The following FOXN3 variants were observed in gnomAD, a reference collection of about 807,000 sequenced individuals.
The protein encoded by FOXN3 is forkhead box protein N3.
FOXN3 carries 7 observed loss-of-function variants against 38.4 expected under a neutral mutation model. The ratio of observed to expected loss-of-function variants is 0.18; its 90% CI spans 0.10 to 0.34. FOXN3 has a LOEUF of 0.34. FOXN3 is among the 10% of genes least tolerant of loss of function. FOXN3 has a pLI of 1.00. For missense variants in FOXN3, 456 were observed against 613.4 expected (o/e 0.74, Z 2.71); for synonymous variants, 230 against 242.2 (o/e 0.95, Z 0.47).
rs374124123 is a variant in FOXN3, at chr14:89,508,641, AGC to A, written c.-14-96153_-14-96152del. 3.7e-4 allele frequency among the ~76,000 whole-genome samples: 56 copies of A among 152,306 alleles called. 3 individuals carry two copies. In the East Asian group the frequency reaches 5.8e-3, roughly 16 times the overall value. Reference sequence around the variant, plus strand: ...CAGGCAATGAAGTAGACATGTTTTGAGCAGCCCCCAGGGCTTCTGATGCCCAA... The same window carrying A: ...CAGGCAATGAAGTAGACATGTTTTGAAGCCCCCAGGGCTTCTGATGCCCAA... On this transcript the variant is annotated intron_variant, in intron 1 of 6. Transcript: ENST00000345097.
intron 3 of FOXN3, among the ~76,000 whole-genome samples, chr14:89,317,935 T>C (rs922354654): frequency 2.0e-5 from 3 of 149,562 alleles, no homozygotes; most frequent in Non-Finnish European, 3.0e-5. Context: ...TATGGGAATC[T>C]AACTAATGCC....
intron 2 of FOXN3, among the ~76,000 whole-genome samples, chr14:89,405,323 G>T (rs1275884950): frequency 5.9e-5 from 9 of 152,076 alleles, no homozygotes; most frequent in African/African-American, 2.2e-4. Context: ...TTTTAGTAGA[G>T]ACAGGGTTTC....
chr14:89,394,905 T>C (rs1025749073), intron 2 of FOXN3, among the ~76,000 whole-genome samples: 1 of 152,238 alleles, frequency 6.6e-6, no homozygotes, highest in African/African-American at 2.4e-5. Flanking sequence ...AGGGATCTCC[T>C]AGAATTGTAA....
intron 4 of FOXN3, among the ~76,000 whole-genome samples, chr14:89,256,701 A>T (rs114353491): frequency 0.012 from 1,848 of 152,192 alleles, 32 homozygotes; most frequent in African/African-American, 0.042. Flanking sequence ...GAGTTTAAGG[A>T]TGTGCATTAT....
chr14:89,438,283 C>T (rs1283096569), intron 1 of FOXN3, among the ~76,000 whole-genome samples: 2 of 152,202 alleles, frequency 1.3e-5, no homozygotes, highest in Admixed American at 1.3e-4. Flanking sequence ...TGAATGAGCA[C>T]CTTCAGTAAA....
intron 1 of FOXN3, among the ~76,000 whole-genome samples, chr14:89,597,978 A>T (rs896115510): frequency 2.0e-5 from 3 of 151,842 alleles, no homozygotes; most frequent in Non-Finnish European, 4.4e-5. Flanking sequence ...CTACTCTAGG[A>T]TCCTTTTTCT....
At chr14:89,414,203 G>A (rs1204584375) in intron 1 of FOXN3, among the ~76,000 whole-genome samples, 3 of 151,996 alleles carry the variant, frequency 2.0e-5, no homozygotes, top group Admixed American at 6.6e-5. Context: ...TGTAGTCCCA[G>A]CTACTTGGGA....
chr14:89,254,983 C>CT (rs964482557), intron 4 of FOXN3, among the ~76,000 whole-genome samples: 6 of 152,108 alleles, frequency 3.9e-5, no homozygotes, highest in African/African-American at 1.4e-4. Flanking sequence ...CGATTCAGAG[C>CT]TTTTTTTATT....
intron 4 of FOXN3, among the ~76,000 whole-genome samples, chr14:89,205,379 C>T (rs117897120): frequency 0.01 from 1,598 of 152,250 alleles, 20 homozygotes; most frequent in Non-Finnish European, 0.018. Context: ...GAGGGCTCCA[C>T]CCTTGGGCCT....
intron 1 of FOXN3, among the ~76,000 whole-genome samples, chr14:89,580,054 AG>A (rs1163744765): frequency 2.0e-5 from 3 of 152,216 alleles, no homozygotes; most frequent in Admixed American, 6.5e-5. Context: ...AGGTAACTGA[AG>A]GCAAAGCCAG....
intron 2 of FOXN3, among the ~76,000 whole-genome samples, chr14:89,358,728 GGC>G (rs529136460): frequency 5.4e-4 from 82 of 152,264 alleles, no homozygotes; most frequent in African/African-American, 1.9e-3. Context: ...TTCTGTTCTA[GGC>G]CAGTACCACC....
chr14:89,378,311 A>G (rs777635409), intron 2 of FOXN3, among the ~76,000 whole-genome samples: 22 of 152,164 alleles, frequency 1.4e-4, no homozygotes, highest in Non-Finnish European at 2.5e-4. Flanking sequence ...TGTCTGCACC[A>G]TCAGCTGGGG....
chr14:89,467,850 A>G (rs1893010604), intron 1 of FOXN3, among the ~76,000 whole-genome samples: 1 of 87,632 alleles, frequency 1.1e-5, no homozygotes, highest in Non-Finnish European at 2.0e-5. Flanking sequence ...AGGTCTCACT[A>G]TGTTATTCAG....
chr14:89,166,578 TC>T (rs1188777519), intron 5 of FOXN3, among the ~76,000 whole-genome samples: 1 of 152,174 alleles, frequency 6.6e-6, no homozygotes, highest in East Asian at 1.9e-4. Context: ...TCCCTGTCAC[TC>T]CTGAAGAAGG....
rs73323154 is a variant in FOXN3 at position 89,260,266 on chromosome 14, G to A, written c.745+20684C>T. On this transcript the variant is annotated intron_variant, in intron 4 of 5. Coordinates refer to ENST00000557258, the MANE Select transcript of FOXN3 (RefSeq NM_005197.4). ...ACCTGCTTTCAAATGTGATCAACAA[G>A]GTCATAATCTGCCACTGAATTGCTT... 4.4e-3 allele frequency among the ~76,000 whole-genome samples: 665 copies of A among 152,338 alleles called. 5 individuals carry two copies. Among genetic ancestry groups the A allele is most frequent in the African/African-American group, 0.015 (626 of 41,564 alleles).
chr14:89,225,277 C>T (rs1051830587), intron 4 of FOXN3, among the ~76,000 whole-genome samples: 1 of 151,974 alleles, frequency 6.6e-6, no homozygotes, highest in African/African-American at 2.4e-5. Flanking sequence ...TGCACACCAG[C>T]CTGGGTGACA....
At chr14:89,182,767 G>A (rs1333532861) in intron 4 of FOXN3, among the ~76,000 whole-genome samples, 12 of 152,138 alleles carry the variant, frequency 7.9e-5, no homozygotes, top group African/African-American at 9.7e-5. Context: ...TCATACTGGC[G>A]TAAGTCTAGA....
chr14:89,332,488 C>T (rs1888281031), intron 3 of FOXN3, among the ~76,000 whole-genome samples: 1 of 152,218 alleles, frequency 6.6e-6, no homozygotes, highest in African/African-American at 2.4e-5. Flanking sequence ...TGATGCTTCA[C>T]TCCTTGTCCC....
intron 4 of FOXN3, among the ~76,000 whole-genome samples, chr14:89,278,604 C>G (rs554585543): frequency 1.1e-3 from 165 of 152,264 alleles, no homozygotes; most frequent in African/African-American, 3.8e-3. Context: ...CCACGTCACC[C>G]CCATGTGACC....
Sources: gnomAD v4.1 joint callset for allele counts (sites outside exome capture counted in the v4.1 genomes callset) on GRCh38, gnomAD v4.1.1 for gene constraint, MANE v1.5 for transcripts, NCBI Gene and HGNC (gene_info 2026-07-23, HGNC 2026-07-21) for gene names.